NAV1: variants seen among roughly 807,000 people sequenced by gnomAD.
NAV1 encodes pore membrane and/or filament interacting like protein 3.
In NAV1, 18 loss-of-function variants were observed where a neutral mutation model predicts 175.2. The observed-to-expected ratio is 0.10, with a 90% CI of 0.07 to 0.15. The LOEUF is 0.15. Ranked by LOEUF, NAV1 falls within the 10% of genes least tolerant of loss-of-function variation. NAV1 has a pLI of 1.00. For missense variants in NAV1, 1,731 were observed against 2,436.6 expected, an observed-to-expected ratio of 0.71 and a Z score of 6.10; for synonymous variants, 897 against 978.7, an observed-to-expected ratio of 0.92 and a Z score of 1.56.
chr1:201,720,398 A>G (rs1440871915), intron 3 of NAV1, among the ~76,000 whole-genome samples: 2 of 152,160 alleles, frequency 1.3e-5, no homozygotes, highest in African/African-American at 4.8e-5. Context: ...CCTGCCCAGC[A>G]CAGCTCCCAG....
intron 1 of NAV1, among the ~76,000 whole-genome samples, chr1:201,664,784 G>A (rs1669749008): frequency 1.3e-5 from 2 of 152,180 alleles, no homozygotes; most frequent in South Asian, 4.2e-4. Flanking sequence ...TATTTTCCTG[G>A]ATCCTTGCTC....
At chr1:201,560,955 C>T (rs1336875343) in intron 1 of NAV1, among the ~76,000 whole-genome samples, 1 of 152,256 alleles carries the variant, frequency 6.6e-6, no homozygotes, top group Non-Finnish European at 1.5e-5. Context: ...TTGCCACCAC[C>T]ACAGGCTTTC....
At chr1:201,588,222 C>T (rs751229299) in intron 1 of NAV1, among the ~76,000 whole-genome samples, 10 of 152,250 alleles carry the variant, frequency 6.6e-5, no homozygotes, top group Middle Eastern at 3.4e-3. Flanking sequence ...GAATCTTATT[C>T]GGCTGTAAAA....
At chr1:201,736,520 C>T (rs1673118928) in intron 3 of NAV1, among the ~76,000 whole-genome samples, 1 of 152,068 alleles carries the variant, frequency 6.6e-6, no homozygotes, top group Non-Finnish European at 1.5e-5. Context: ...GCCAAAAGAA[C>T]CTTGGGCCTC....
At chr1:201,542,319 C>G (rs1439231509) in intron 1 of NAV1, among the ~76,000 whole-genome samples, 1 of 152,150 alleles carries the variant, frequency 6.6e-6, no homozygotes, top group Non-Finnish European at 1.5e-5. Flanking sequence ...GTGATGGAAG[C>G]ATCTATCAAC....
intron 2 of NAV1, among the ~76,000 whole-genome samples, chr1:201,713,669 G>T (rs1475431510): frequency 6.6e-6 from 1 of 152,198 alleles, no homozygotes; most frequent in Non-Finnish European, 1.5e-5. Flanking sequence ...TAAGCTCTGG[G>T]GACAGCGGGA....
upstream of NAV1, among the ~76,000 whole-genome samples, chr1:201,647,707 C>T (rs1736450): frequency 0.52 from 78,794 of 151,690 alleles, 21,626 homozygotes; most frequent in African/African-American, 0.7. Flanking sequence ...TGAAGTAGGG[C>T]GGGACTGGGA....
intron 1 of NAV1, among the ~76,000 whole-genome samples, chr1:201,565,529 C>T (rs747405627): frequency 6.6e-6 from 1 of 152,200 alleles, no homozygotes; most frequent in African/African-American, 2.4e-5. Context: ...ATCCCAGGGA[C>T]GTGGTATTCA....
intron 1 of NAV1, among the ~76,000 whole-genome samples, chr1:201,558,192 G>A (rs1425687815): frequency 3.9e-5 from 6 of 152,280 alleles, no homozygotes; most frequent in East Asian, 3.9e-4. Flanking sequence ...CTTATTTAAC[G>A]TGCATAAGCT....
intron 1 of NAV1, among the ~76,000 whole-genome samples, chr1:201,587,457 G>C (rs2102206130): frequency 6.6e-6 from 1 of 152,088 alleles, no homozygotes; most frequent in East Asian, 1.9e-4. Flanking sequence ...AGGCCAAGGG[G>C]GGTGGGTTGT....
intron 1 of NAV1, among the ~76,000 whole-genome samples, chr1:201,671,024 A>G (rs1297198781): frequency 6.6e-6 from 1 of 152,108 alleles, no homozygotes; most frequent in East Asian, 1.9e-4. Flanking sequence ...TTAGTAAAGG[A>G]CACTCACTGT....
rs1558192142 is a variant in NAV1 at position 201,810,616 on chromosome 1, G to A, written c.4655G>A (p.Arg1552Gln). The change falls in exon 24 of 30, where the codon CGG becomes CAG. Residue 1552 changes from arginine (R) to glutamine (Q), a missense_variant. Physicochemically the swap from Arg to Gln is conservative, Grantham distance 43. This residue lies in a region of NAV1 where 115 missense variants were observed against 269.4 expected (regional missense o/e 0.43). Coordinates refer to ENST00000367296, the Ensembl canonical transcript of NAV1. This position sits in a 1 kb window ranked among gnomAD's most constrained non-coding sequence, Gnocchi z 6.0. ...TACATAAGCCTCCTGCTGAAGCACCGGCGCCTCGTCCTCTCGGGCCCCAGC... is the reference window on the plus strand; with the variant it reads ...TACATAAGCCTCCTGCTGAAGCACCAGCGCCTCGTCCTCTCGGGCCCCAGC... 1 of 1,614,002 alleles carries A rather than the reference G, an allele frequency of 6.2e-7. No individual in the cohort carries two copies. Among genetic ancestry groups the A allele is most frequent in the Non-Finnish European group, 8.5e-7 (1 of 1,179,982 alleles).
At chr1:201,625,597 A>G (rs1196193143) in intron 1 of NAV1, among the ~76,000 whole-genome samples, 2 of 152,200 alleles carry the variant, frequency 1.3e-5, no homozygotes, top group African/African-American at 2.4e-5. Flanking sequence ...CTTTACTTCG[A>G]TTCTGAAGCT....
chr1:201,776,612 G>A (rs1465960204), intron 3 of NAV1, among the ~76,000 whole-genome samples: 1 of 145,270 alleles, frequency 6.9e-6, no homozygotes, highest in East Asian at 2.0e-4. Context: ...CTGCACTCTA[G>A]CCTGGGTGAC....
intron 3 of NAV1, among the ~76,000 whole-genome samples, chr1:201,773,428 T>C (rs1675721967): frequency 6.6e-6 from 1 of 152,180 alleles, no homozygotes; most frequent in Admixed American, 6.5e-5. Flanking sequence ...TTTTGGGTGA[T>C]TAGGCTTCTG....
At chr1:201,825,170 T>A (rs1370097690) in exon 30 of NAV1, 1 of 152,184 alleles carries the variant, frequency 6.6e-6, no homozygotes, top group Non-Finnish European at 1.5e-5. Context: ...CCTAGTTGAA[T>A]ACAACCTTCA....
intron 2 of NAV1, among the ~76,000 whole-genome samples, chr1:201,597,575 C>T (rs1329970325): frequency 6.6e-6 from 1 of 152,202 alleles, no homozygotes; most frequent in East Asian, 1.9e-4. Flanking sequence ...CCGTGCTCCA[C>T]CGGGCTGAGG....
intron 1 of NAV1, among the ~76,000 whole-genome samples, chr1:201,665,606 A>T (rs1438554559): frequency 1.1e-5 from 1 of 89,698 alleles, no homozygotes. Context: ...CCCACTGCCC[A>T]CCACCTCCTG....
intron 1 of NAV1, among the ~76,000 whole-genome samples, chr1:201,680,858 C>CTGGCCTGTCTCCCCAGCTGTGA (rs1303012999): frequency 3.9e-5 from 6 of 152,344 alleles, no homozygotes; most frequent in Non-Finnish European, 7.3e-5. Flanking sequence ...ACCAGCTGGG[C>CTGGCCTGTCTCCCCAGCTGTGA]TGGCCTGTCT....
Sources: gnomAD v4.1 joint callset for allele counts (sites outside exome capture counted in the v4.1 genomes callset) on GRCh38, gnomAD v4.1.1 for gene constraint, gnomAD v4.1.1 regional missense constraint, Gnocchi (gnomAD v3.1) non-coding constraint, MANE v1.5 for transcripts, NCBI Gene and HGNC (gene_info 2026-07-23, HGNC 2026-07-21) for gene names.